The following MFSD11 variants were observed in gnomAD, a reference collection of about 807,000 sequenced individuals.
The protein encoded by MFSD11 is major facilitator superfamily domain containing 11.
A neutral mutation model predicts 53.5 loss-of-function variants in MFSD11; 36 were observed. The ratio of observed to expected loss-of-function variants is 0.67; its 90% CI spans 0.52 to 0.89. MFSD11 has a LOEUF of 0.89. MFSD11 is among the 40% of genes least tolerant of loss of function. MFSD11 has a pLI of 0.00. For missense variants in MFSD11, 530 were observed against 543.9 expected (o/e 0.97, Z 0.25); for synonymous variants, 186 against 184.9 (o/e 1.01, Z -0.05).
chr17:76,750,773 G>A (rs937691127), intron 7 of MFSD11, among the ~76,000 whole-genome samples: 4 of 151,264 alleles, frequency 2.6e-5, no homozygotes, highest in African/African-American at 4.9e-5. Flanking sequence ...AGAGATATAG[G>A]AGTAGACTTG....
chr17:76,751,573 G>T lies in MFSD11; in HGVS notation c.642-2474G>T, dbSNP rs182412911. On this transcript the variant is annotated intron_variant, in intron 7 of 12. Transcript: ENST00000685175. Reference sequence around the variant, plus strand: ...TGTCTCTACAGGCATGGTGGTGCATGCCTGTAGTCCCAGTTACTCAGGAGG... The same window carrying T: ...TGTCTCTACAGGCATGGTGGTGCATTCCTGTAGTCCCAGTTACTCAGGAGG... Among the ~76,000 whole-genome samples, 22 of 151,630 alleles carry T rather than the reference G, an allele frequency of 1.5e-4. No homozygotes were observed. The East Asian group carries it at 2.7e-3, about 19-fold the overall frequency.
At chr17:76,787,131 TTC>T in the MFSD11 span, among the ~76,000 whole-genome samples, 1 of 150,460 alleles carries the variant, frequency 6.6e-6, no homozygotes, top group Admixed American at 6.6e-5. Context: ...TGTGAGTGAT[TTC>T]TTTTTTTTTT....
intron 8 of MFSD11, among the ~76,000 whole-genome samples, chr17:76,762,635 G>A (rs992841183): frequency 1.4e-5 from 2 of 138,138 alleles, no homozygotes; most frequent in Non-Finnish European, 3.1e-5. Flanking sequence ...CAGCCTGGGC[G>A]ACTGAGCGAG....
chr17:76,741,089 T>C (rs201396002), intron 3 of MFSD11, 25 bp downstream of exon 3: 9 of 1,308,874 alleles, frequency 6.9e-6, no homozygotes, highest in East Asian at 2.3e-5. Flanking sequence ...CTTGCACTTA[T>C]TTAATCAGAA....
rs1004788992 is a variant in MFSD11, at chr17:76,769,572, A to G, written c.749-174A>G. On this transcript the variant is annotated intron_variant, in intron 9 of 12. Transcript: ENST00000685175. ...ACATTTAGTCCATAGCATGAAGCTA[A>G]TTCCATTTCATCAGTTACATCACAT... 25 of 502,158 alleles carry G rather than the reference A, an allele frequency of 5.0e-5. No homozygotes were observed. The Middle Eastern group carries it at 2.1e-3, about 43-fold the overall frequency. 31.1% of individuals were successfully genotyped at this position (502,158 alleles called of 1,614,324 possible). A position where few individuals can be genotyped will look rare whatever the true frequency, so the allele number is the denominator to read the frequency against.
chr17:76,796,767 C>T, the MFSD11 span, among the ~76,000 whole-genome samples: 4 of 144,776 alleles, frequency 2.8e-5, no homozygotes, highest in African/African-American at 5.1e-5. Context: ...GAGTTTGAGA[C>T]CAGCCTGGCC....
intron 12 of MFSD11, among the ~76,000 whole-genome samples, chr17:76,777,477 CG>C (rs1472333236): frequency 6.6e-6 from 1 of 152,186 alleles, no homozygotes; most frequent in Non-Finnish European, 1.5e-5. Flanking sequence ...TCAAGTGATC[CG>C]CCCGCTTGGG....
chr17:76,752,267 T>C (rs1370204214), intron 7 of MFSD11, among the ~76,000 whole-genome samples: 2 of 152,166 alleles, frequency 1.3e-5, no homozygotes, highest in Non-Finnish European at 2.9e-5. Context: ...AATGATCTAA[T>C]GTTAGGCACT....
chr17:76,784,541 A>G (rs1377122177), downstream of MFSD11, among the ~76,000 whole-genome samples: 1 of 152,006 alleles, frequency 6.6e-6, no homozygotes, highest in Non-Finnish European at 1.5e-5. Context: ...CAAAAAAAAA[A>G]GAATGGATAA....
chr17:76,786,214 G>A (rs2082272618), downstream of MFSD11, among the ~76,000 whole-genome samples: 2 of 141,176 alleles, frequency 1.4e-5, no homozygotes, highest in Admixed American at 7.2e-5. Flanking sequence ...GTGTGATCTC[G>A]GCTCACTGCA....
chr17:76,763,272 T>G (rs1053977989), intron 8 of MFSD11, among the ~76,000 whole-genome samples: 2 of 142,766 alleles, frequency 1.4e-5, no homozygotes, highest in African/African-American at 5.4e-5. Flanking sequence ...TTGTTTTTTG[T>G]TTTTTTTTTT....
At chr17:76,788,069 A>C in the MFSD11 span, among the ~76,000 whole-genome samples, 5 of 148,066 alleles carry the variant, frequency 3.4e-5, 2 homozygotes, top group African/African-American at 1.2e-4. Context: ...GGGTGGAGTG[A>C]AGTGGCCTGT....
At chr17:76,765,501 C>T (rs1188467579) in intron 8 of MFSD11, among the ~76,000 whole-genome samples, 10 of 139,798 alleles carry the variant, frequency 7.2e-5, no homozygotes, top group East Asian at 4.2e-4. Context: ...GTTGCTCTGC[C>T]GCCTAGGGCG....
upstream of MFSD11, chr17:76,737,988 G>T: frequency 6.9e-6 from 2 of 291,322 alleles, no homozygotes; most frequent in Non-Finnish European, 1.3e-5. Context: ...TGACCCGGTC[G>T]CCTGGCCGCA....
In MFSD11 at chr17:76,776,617, T is replaced by G; in HGVS notation, c.1185+76T>G. On this transcript the variant is annotated intron_variant, in intron 12 of 12. Transcript: ENST00000685175. The surrounding 1 kb of genome is among the most constrained non-coding windows in gnomAD (Gnocchi z 4.2). Reference sequence around the variant, plus strand: ...GTATTGCCTTGTTTTCCTTGGTTACTTGTATTGTGGTTTTAATTTTTATTT... The same window carrying G: ...GTATTGCCTTGTTTTCCTTGGTTACGTGTATTGTGGTTTTAATTTTTATTT... 7.3e-7 allele frequency: 1 copy of G among 1,363,712 alleles called. No individual in the cohort carries two copies. Among genetic ancestry groups the G allele is most frequent in the Middle Eastern group, 1.9e-4 (1 of 5,186 alleles). 84.5% of individuals were successfully genotyped at this position (1,363,712 alleles called of 1,614,324 possible).
At chr17:76,769,491 T>C (rs1598733930) in intron 9 of MFSD11, 1 of 294,980 alleles carries the variant, frequency 3.4e-6, no homozygotes, top group African/African-American at 2.3e-5. Flanking sequence ...CATCTCCAAA[T>C]ACCATCATGT....
chr17:76,776,994 G>A lies in MFSD11; in HGVS notation c.1185+453G>A, dbSNP rs546426132. 9.1e-4 allele frequency among the ~76,000 whole-genome samples: 138 copies of A among 151,658 alleles called. No homozygotes were observed. In the South Asian group the frequency reaches 0.013, roughly 14 times the overall value. ...TTTTTTTTAAAGACAAAGTCGGCCC[G>A]CCGCGGCTCACACTTGTAATCCCAG... On this transcript the variant is annotated intron_variant, in intron 12 of 12. Coordinates refer to ENST00000685175, the MANE Select transcript of MFSD11 (RefSeq NM_001242532.5). The surrounding 1 kb of genome is among the most constrained non-coding windows in gnomAD (Gnocchi z 4.2).
chr17:76,769,499 T>G, intron 9 of MFSD11: 2 of 306,150 alleles, frequency 6.5e-6, no homozygotes, highest in Non-Finnish European at 6.0e-6. Flanking sequence ...AATACCATCA[T>G]GTTTTGGGGA....
Position 76,738,230 on chromosome 17 carries a change from G to A in MFSD11, c.-123G>A. On this transcript the variant is annotated 5_prime_UTR_variant, in exon 1 of 13. Transcript: ENST00000685175. ...GGAACTGGAAGTTGACAGCTTGGCTGCCTGGCTCCTGCATCTGCCTTCTCC... is the reference window on the plus strand; with the variant it reads ...GGAACTGGAAGTTGACAGCTTGGCTACCTGGCTCCTGCATCTGCCTTCTCC... 1 of 661,624 alleles carries A rather than the reference G, an allele frequency of 1.5e-6. No homozygotes were observed. Among genetic ancestry groups the A allele is most frequent in the South Asian group, 1.8e-5 (1 of 54,564 alleles). 41.0% of individuals were successfully genotyped at this position (661,624 alleles called of 1,614,324 possible).
Sources: gnomAD v4.1 joint callset for allele counts (sites outside exome capture counted in the v4.1 genomes callset) on GRCh38, gnomAD v4.1.1 for gene constraint, Gnocchi (gnomAD v3.1) non-coding constraint, MANE v1.5 for transcripts, NCBI Gene and HGNC (gene_info 2026-07-23, HGNC 2026-07-21) for gene names.